Variants in GLB1L2 observed in about 807,000 individuals in gnomAD.
GLB1L2 encodes beta-galactosidase-1-like protein 2.
GLB1L2 carries 68 observed loss-of-function variants against 84.1 expected under a neutral mutation model. That is an observed-to-expected ratio of 0.81 (90% CI 0.67 to 0.99). GLB1L2 has a LOEUF of 0.99. Among genes scored for constraint, GLB1L2 ranks in the 50% least tolerant of loss-of-function variants. The pLI, the probability that GLB1L2 is intolerant of heterozygous loss-of-function variation, is 0.00. For missense variants in GLB1L2, 762 were observed against 805.6 expected (o/e 0.95, Z 0.66); for synonymous variants, 290 against 318.0 (o/e 0.91, Z 0.94).
rs1449876427 is a variant in GLB1L2, at chr11:134,371,082, C to T, written c.1290C>T (p.Tyr430=). 1.9e-6 allele frequency: 3 copies of T among 1,614,110 alleles called. No homozygotes were observed. The highest frequency in any genetic ancestry group is 1.3e-5 in the African/African-American group (1 of 74,930). ...VNGGNGQSFG[Y]ILYETSITSS... is the part of the protein sequence containing the mutation. ...GGGGAAATGGACAGTCCTTCGGGTA[C>T]ATTCTCTATGAGACCAGCATCACCT... The change falls in exon 13 of 19, where the codon TAC becomes TAT. Residue 430 remains tyrosine (Y), a synonymous_variant. Transcript: ENST00000535456.
intron 1 of GLB1L2, among the ~76,000 whole-genome samples, chr11:134,342,431 G>C (rs1943478958): frequency 1.3e-5 from 2 of 151,792 alleles, no homozygotes; most frequent in Admixed American, 1.3e-4. Context: ...CCCGTGCGGC[G>C]CCCGCCCCGC....
At chr11:134,365,293 G>C (rs1219822628) in intron 8 of GLB1L2, among the ~76,000 whole-genome samples, 1 of 152,228 alleles carries the variant, frequency 6.6e-6, no homozygotes, top group Non-Finnish European at 1.5e-5. Context: ...GGAGGTGGGA[G>C]GGCTGGCCCC....
chr11:134,348,463 T>C (rs1943580673), intron 5 of GLB1L2, among the ~76,000 whole-genome samples: 1 of 152,164 alleles, frequency 6.6e-6, no homozygotes, highest in African/African-American at 2.4e-5. Context: ...ATGGCCGTCC[T>C]GGGAGCAGGC....
chr11:134,332,153 A>G lies in GLB1L2; in HGVS notation c.86+6A>G, dbSNP rs1943306160. 1.3e-6 allele frequency: 2 copies of G among 1,556,124 alleles called. No individual in the cohort carries two copies. Among genetic ancestry groups the G allele is most frequent in the Non-Finnish European group, 1.7e-6 (2 of 1,149,392 alleles). ...GGCTTCCTGGTGCTCCGCAGGTGAGAGAGAGCTTCGCGCAGCACCTGCCGG... is the reference window on the plus strand; with the variant it reads ...GGCTTCCTGGTGCTCCGCAGGTGAGGGAGAGCTTCGCGCAGCACCTGCCGG... On this transcript the variant is annotated splice_donor_region_variant and intron_variant, in intron 1 of 18. Coordinates refer to ENST00000535456, the MANE Select transcript of GLB1L2 (RefSeq NM_001370461.1).
chr11:134,363,403 C>G (rs1565440533), intron 7 of GLB1L2, among the ~76,000 whole-genome samples: 1 of 152,222 alleles, frequency 6.6e-6, no homozygotes, highest in Non-Finnish European at 1.5e-5. Context: ...GGCTCAGCCT[C>G]TCTGGTGTGT....
intron 7 of GLB1L2, among the ~76,000 whole-genome samples, chr11:134,362,219 T>C (rs745392651): frequency 6.6e-6 from 1 of 152,274 alleles, no homozygotes; most frequent in Non-Finnish European, 1.5e-5. Context: ...TTTTCTTGAA[T>C]GTATTTCTCT....
At chr11:134,359,345 T>G (rs1031324124) in intron 7 of GLB1L2, among the ~76,000 whole-genome samples, 1 of 152,156 alleles carries the variant, frequency 6.6e-6, no homozygotes, top group Non-Finnish European at 1.5e-5. Context: ...GCTGGCTGGG[T>G]GGCTGTTCTC....
intron 9 of GLB1L2, 106 bp from the exon 10 acceptor site, chr11:134,368,538 T>C (rs1353043317): frequency 2.5e-6 from 3 of 1,184,946 alleles, no homozygotes; most frequent in Non-Finnish European, 3.7e-6. Flanking sequence ...AAAGTTGGCC[T>C]TGAGGTTTTG....
intron 7 of GLB1L2, among the ~76,000 whole-genome samples, chr11:134,362,339 T>TCCCTTCCCCGGCGCTGCCCGCGTTC (rs148920652): frequency 9.1e-6 from 1 of 110,450 alleles, no homozygotes; most frequent in African/African-American, 3.6e-5. Context: ...CTGCCCGCGT[T>TCCCTTCCCCGGCGCTGCCCGCGTTC]CCTTCCCCGG....
chr11:134,365,545 T>G (rs998293295), intron 8 of GLB1L2, among the ~76,000 whole-genome samples: 4 of 152,198 alleles, frequency 2.6e-5, no homozygotes, highest in Non-Finnish European at 5.9e-5. Flanking sequence ...TTCCTTATGG[T>G]GTCAACTCAC....
intron 4 of GLB1L2, among the ~76,000 whole-genome samples, chr11:134,345,878 G>A (rs193270053): frequency 1.2e-4 from 18 of 152,214 alleles, no homozygotes; most frequent in African/African-American, 4.1e-4. Context: ...TTCCTATCTC[G>A]GCCCACGTGT....
intron 5 of GLB1L2, among the ~76,000 whole-genome samples, chr11:134,349,520 C>T (rs939035759): frequency 1.3e-5 from 2 of 152,170 alleles, no homozygotes; most frequent in African/African-American, 2.4e-5. Context: ...ATTGCCATAC[C>T]GTTTTCCACA....
chr11:134,342,844 C>T lies in GLB1L2; in HGVS notation c.177C>T (p.Ser59=). Reference sequence around the variant, plus strand: ...GCTGGAACTTCATGCTGGAGGATTCCACCTTCTGGATCTTCGGGGGCTCCA... The same window carrying T: ...GCTGGAACTTCATGCTGGAGGATTCTACCTTCTGGATCTTCGGGGGCTCCA... ...AKGWNFMLED[S]TFWIFGGSIH... The change falls in exon 2 of 19, where the codon TCC becomes TCT. Residue 59 remains serine, a synonymous_variant. Transcript: ENST00000535456. The T allele has an allele frequency of 1.2e-6, 2 of 1,614,044 alleles. No homozygotes were observed.
At position 134,367,329 on chromosome 11, in the gene GLB1L2, T is replaced by C. The variant is rs367588691; in HGVS notation, c.877T>C (p.Leu293=). The C allele has an allele frequency of 7.4e-6, 12 of 1,613,774 alleles. No individual in the cohort carries two copies. The African/African-American group carries it at 1.6e-4, about 22-fold the overall frequency. The change falls in exon 9 of 19, where the codon TTG becomes CTG. Residue 293 remains leucine, a synonymous_variant. Coordinates refer to ENST00000535456, the MANE Select transcript of GLB1L2 (RefSeq NM_001370461.1). ...CTCGTGGGGAGGCCCTCACAATATC[T>C]TGGATTCTTCTGGTGAGTGCTTGCG... The part of the protein sequence containing the change: ...FDSWGGPHNI[L]DSSEVLKTVS...
rs1285444384 is a variant in GLB1L2 at position 134,334,467 on chromosome 11, T to A, written c.86+2320T>A. On this transcript the variant is annotated intron_variant, in intron 1 of 18. Transcript: ENST00000535456. The surrounding 1 kb of genome is among the most constrained non-coding windows in gnomAD (Gnocchi z 4.1). ...TTCAGTCTTAGAATTTTTATTTTTA[T>A]TTTTTTTAAGCGTAAACAGTGGTCT... Among the ~76,000 whole-genome samples the A allele has an allele frequency of 6.6e-6, 1 of 151,980 alleles. No homozygotes were observed. Among genetic ancestry groups the A allele is most frequent in the East Asian group, 1.9e-4 (1 of 5,200 alleles).
intron 1 of GLB1L2, among the ~76,000 whole-genome samples, chr11:134,337,196 A>G (rs1410580059): frequency 6.6e-6 from 1 of 152,224 alleles, no homozygotes; most frequent in Non-Finnish European, 1.5e-5. Context: ...GCCTTTTCAA[A>G]GGAAAAAGCA....
chr11:134,364,735 A>G (rs922548722), intron 8 of GLB1L2: 9 of 273,168 alleles, frequency 3.3e-5, no homozygotes, highest in Non-Finnish European at 6.9e-6. Context: ...TCCCTGTCCT[A>G]TACTACACAG....
intron 1 of GLB1L2, among the ~76,000 whole-genome samples, chr11:134,332,790 A>G (rs1943322652): frequency 6.6e-6 from 1 of 152,144 alleles, no homozygotes; most frequent in Non-Finnish European, 1.5e-5. Flanking sequence ...GTTTATGGCA[A>G]AGGAGTGGCT....
At chr11:134,357,528 G>A (rs1311387840) in intron 6 of GLB1L2, among the ~76,000 whole-genome samples, 6 of 152,222 alleles carry the variant, frequency 3.9e-5, no homozygotes, top group Admixed American at 2.6e-4. Context: ...CGTCTCCTGC[G>A]ATACCCCATT....
Sources: allele counts gnomAD v4.1 joint callset (sites outside exome capture counted in the v4.1 genomes callset), GRCh38; gene constraint gnomAD v4.1.1; non-coding constraint Gnocchi (gnomAD v3.1); transcripts MANE v1.5; gene names NCBI Gene and HGNC (gene_info 2026-07-23, HGNC 2026-07-21).